Variants in HDX observed in about 807,000 individuals in gnomAD.
The protein encoded by HDX is chromosome X open reading frame 43.
In HDX, 19 loss-of-function variants were observed where a neutral mutation model predicts 45.2. That is an observed-to-expected ratio of 0.42 (90% CI 0.29 to 0.62). The LOEUF (loss-of-function observed/expected upper bound fraction) is 0.62, where lower values mean the gene tolerates loss of function less well. Among genes scored for constraint, HDX ranks in the 20% least tolerant of loss-of-function variants. HDX has a pLI of 0.20. For synonymous variants in HDX, 188 were observed against 172.8 expected (o/e 1.09, Z -0.69); for missense variants, 532 against 493.9 (o/e 1.08, Z -0.73).
chrX:84,375,390 A>G (rs1383723114), intron 5 of HDX, among the ~76,000 whole-genome samples: 3 of 111,003 alleles, frequency 2.7e-5, no homozygotes, highest in Non-Finnish European at 5.7e-5. Flanking sequence ...CCATCCCATT[A>G]CTGGGTATAT....
chrX:84,377,706 G>T (rs1038686467), intron 5 of HDX, among the ~76,000 whole-genome samples: 3 of 109,243 alleles, frequency 2.7e-5, no homozygotes, highest in Non-Finnish European at 5.7e-5. Flanking sequence ...CAGTCAGAGG[G>T]ACAAAAGGAA....
intron 4 of HDX, among the ~76,000 whole-genome samples, chrX:84,459,218 G>A (rs746143090): frequency 1.8e-5 from 2 of 111,271 alleles, no homozygotes; most frequent in Admixed American, 9.5e-5. Flanking sequence ...CAAAGAGGGC[G>A]GATCACGAGA....
At chrX:84,385,808 A>G (rs975386198) in intron 5 of HDX, among the ~76,000 whole-genome samples, 1 of 100,234 alleles carries the variant, frequency 1.0e-5, no homozygotes, top group Non-Finnish European at 2.0e-5. Context: ...CAGAGAGATA[A>G]TTTGACTTGT....
At position 84,469,419 on chromosome X, in the gene HDX, T is replaced by A; in HGVS notation, c.304A>T (p.Asn102Tyr). Residue 102 changes from asparagine to tyrosine, a missense_variant, in exon 4 of 11, where the codon AAT (asparagine) becomes TAT (tyrosine). Asn to Tyr is a moderately radical substitution (Grantham distance 143, BLOSUM62 -2). Coordinates refer to ENST00000373177, the MANE Select transcript of HDX (RefSeq NM_001177479.2). ...ATACCAGTTACAATGACATCATTAT[T>A]GGCAGATGTCCAAGAAGACTGCTGG... ...SSQQSSWTSA[N>Y]NDVIVTGIYS... The A allele has an allele frequency of 8.3e-7, 1 of 1,210,423 alleles. No individual in the cohort carries two copies. Among genetic ancestry groups the A allele is most frequent in the African/African-American group, 1.7e-5 (1 of 57,628 alleles).
intron 4 of HDX, among the ~76,000 whole-genome samples, chrX:84,452,761 T>C (rs1276358645): frequency 9.0e-6 from 1 of 111,540 alleles, no homozygotes; most frequent in Non-Finnish European, 1.9e-5. Context: ...ACTAGGAAGA[T>C]TGCATATCCA....
chrX:84,400,398 T>C (rs927066728), intron 5 of HDX, among the ~76,000 whole-genome samples: 1 of 108,349 alleles, frequency 9.2e-6, no homozygotes, highest in African/African-American at 3.4e-5. Flanking sequence ...CAAGCATTCA[T>C]ATACAATAAC....
At chrX:84,412,512 A>C (rs1036833131) in intron 5 of HDX, among the ~76,000 whole-genome samples, 4 of 111,356 alleles carry the variant, frequency 3.6e-5, no homozygotes, top group Non-Finnish European at 5.7e-5. Flanking sequence ...ATCTCTTCTG[A>C]CTTGGAGAAT....
chrX:84,350,845 C>T (rs5967481), intron 6 of HDX, among the ~76,000 whole-genome samples: 3,355 of 111,357 alleles, frequency 0.03, 134 homozygotes, highest in African/African-American at 0.1. Flanking sequence ...TATGTTAAAG[C>T]GTCAATATGT....
chrX:84,374,566 A>T (rs1266150628), intron 5 of HDX, among the ~76,000 whole-genome samples: 3 of 95,542 alleles, frequency 3.1e-5, no homozygotes, highest in Non-Finnish European at 6.2e-5. Flanking sequence ...ACAGAACAGA[A>T]CAGAGCCCTT....
At chrX:84,415,515 T>C in intron 5 of HDX, among the ~76,000 whole-genome samples, 1 of 111,705 alleles carries the variant, frequency 9.0e-6, no homozygotes, top group Non-Finnish European at 1.9e-5. Context: ...GAGATCTGAG[T>C]CCCAGCTCAG....
Position 84,469,219 on chromosome X carries a change from G to T in HDX, c.504C>A (p.Leu168=), listed in dbSNP as rs1248582474. 1.7e-6 allele frequency: 2 copies of T among 1,210,585 alleles called. No individual in the cohort carries two copies. Among genetic ancestry groups the T allele is most frequent in the Non-Finnish European group, 2.2e-6 (2 of 894,566 alleles). Reference sequence around the variant, plus strand: ...ACAAAATAATTGTTTTTTCACCTAGGAGTAGGGAAGCATTTTTACAGTGTG... The same window carrying T: ...ACAAAATAATTGTTTTTTCACCTAGTAGTAGGGAAGCATTTTTACAGTGTG... ...QVAHCKNASL[L]LGEKTIILSR... is the part of the protein sequence containing the mutation. The change falls in exon 4 of 11, where the codon CTC becomes CTA. Residue 168 remains leucine, a synonymous_variant. Transcript: ENST00000373177.
intron 9 of HDX, among the ~76,000 whole-genome samples, chrX:84,330,775 A>G (rs1163372913): frequency 8.9e-6 from 1 of 112,005 alleles, no homozygotes; most frequent in Non-Finnish European, 1.9e-5. Flanking sequence ...TATTTATGCA[A>G]TGTTTGAAAA....
chrX:84,324,696 T>A (rs929958058), intron 10 of HDX, among the ~76,000 whole-genome samples: 11 of 111,226 alleles, frequency 9.9e-5, no homozygotes, highest in African/African-American at 3.6e-4. Context: ...GAAGTTAGAA[T>A]TAGAAAATAA....
chrX:84,477,657 C>T (rs2040583901), intron 2 of HDX, among the ~76,000 whole-genome samples: 2 of 111,774 alleles, frequency 1.8e-5, no homozygotes, highest in Admixed American at 1.9e-4. Context: ...CTTCATCCAC[C>T]CTAGCAATCT....
chrX:84,333,696 A>G (rs2036894030), intron 9 of HDX, 63 bp downstream of exon 9: 1 of 476,070 alleles, frequency 2.1e-6, no homozygotes, highest in Non-Finnish European at 3.8e-6. Context: ...TAATATAGGT[A>G]TTGTAAAATT....
chrX:84,406,418 A>C (rs1434863849), intron 5 of HDX, among the ~76,000 whole-genome samples: 1 of 107,907 alleles, frequency 9.3e-6, no homozygotes, highest in Non-Finnish European at 1.9e-5. Context: ...AGCAAGGAAA[A>C]ACCTCCCTCA....
At chrX:84,479,942 A>T (rs898750223) in intron 2 of HDX, among the ~76,000 whole-genome samples, 2 of 111,110 alleles carry the variant, frequency 1.8e-5, no homozygotes, top group African/African-American at 6.5e-5. Flanking sequence ...TATATTCTGG[A>T]TACAAACCCT....
At chrX:84,445,107 G>A (rs2039844208) in intron 4 of HDX, among the ~76,000 whole-genome samples, 1 of 111,925 alleles carries the variant, frequency 8.9e-6, no homozygotes, top group South Asian at 3.6e-4. Context: ...TCAAAAATAT[G>A]TTGTAAAGAC....
intron 1 of HDX, among the ~76,000 whole-genome samples, chrX:84,490,360 G>T (rs866080646): frequency 1.8e-5 from 2 of 111,321 alleles, no homozygotes; most frequent in Non-Finnish European, 3.8e-5. Context: ...AGTTTTCTAC[G>T]TATCCACTAA....
Sources: allele counts gnomAD v4.1 joint callset (sites outside exome capture counted in the v4.1 genomes callset), GRCh38; gene constraint gnomAD v4.1.1; transcripts MANE v1.5; gene names NCBI Gene and HGNC (gene_info 2026-07-23, HGNC 2026-07-21).